The following C1orf21 variants were observed in gnomAD, a reference collection of about 807,000 sequenced individuals.
C1orf21 encodes the protein uncharacterized protein C1orf21.
In C1orf21, 3 loss-of-function variants were observed where a neutral mutation model predicts 18.7. The ratio of observed to expected loss-of-function variants is 0.16; its 90% CI spans 0.07 to 0.42. C1orf21 has a LOEUF of 0.42. Ranked by LOEUF, C1orf21 falls within the 10% of genes least tolerant of loss-of-function variation. C1orf21 has a pLI of 0.99. For missense variants in C1orf21, 104 were observed against 143.6 expected (o/e 0.72, Z 1.41); for synonymous variants, 41 against 46.4 (o/e 0.88, Z 0.47).
chr1:184,447,209 C>G (rs1000063385), intron 1 of C1orf21, among the ~76,000 whole-genome samples: 2 of 152,180 alleles, frequency 1.3e-5, no homozygotes, highest in Non-Finnish European at 2.9e-5. Context: ...TTGCTTTATA[C>G]TAGGCATTCT....
At chr1:184,469,700 T>C (rs1571373212) in intron 1 of C1orf21, among the ~76,000 whole-genome samples, 1 of 152,160 alleles carries the variant, frequency 6.6e-6, no homozygotes, top group African/African-American at 2.4e-5. Flanking sequence ...TTACGGAGGG[T>C]ATGCTAAGAG....
chr1:184,520,390 G>A (rs1488306971), intron 3 of C1orf21, among the ~76,000 whole-genome samples: 2 of 152,184 alleles, frequency 1.3e-5, no homozygotes, highest in Admixed American at 1.3e-4. Context: ...GGAATATGAG[G>A]TAGGGCTTGG....
chr1:184,584,026 T>A (rs925987269), intron 3 of C1orf21, among the ~76,000 whole-genome samples: 2 of 152,144 alleles, frequency 1.3e-5, no homozygotes, highest in Admixed American at 6.5e-5. Flanking sequence ...CTGCTGGGTC[T>A]GCTTTATCCG....
At chr1:184,433,526 T>C (rs1016178538) in intron 1 of C1orf21, among the ~76,000 whole-genome samples, 7 of 152,150 alleles carry the variant, frequency 4.6e-5, no homozygotes, top group Non-Finnish European at 1.0e-4. Flanking sequence ...ATGCAAAGCC[T>C]TCCATGACCA....
intron 3 of C1orf21, among the ~76,000 whole-genome samples, chr1:184,524,151 G>T (rs1658345969): frequency 6.6e-6 from 1 of 152,160 alleles, no homozygotes; most frequent in African/African-American, 2.4e-5. Context: ...AAGCTGGAGT[G>T]TAAGGTCCAC....
intron 3 of C1orf21, among the ~76,000 whole-genome samples, chr1:184,552,720 AGAAT>A (rs1300011106): frequency 6.6e-6 from 1 of 152,210 alleles, no homozygotes; most frequent in Non-Finnish European, 1.5e-5. Context: ...ATTTGCTCAA[AGAAT>A]GATTACATAA....
chr1:184,591,989 A>C lies in C1orf21; in HGVS notation c.266+1174A>C, dbSNP rs544815630. ...CCTACATGTGGTTTCATTCATATGA[A>C]GTCAAAAAACAGACAGAACTAAGGC... On this transcript the variant is annotated intron_variant, in intron 4 of 5. Transcript: ENST00000235307. Among the ~76,000 whole-genome samples, 176 of 152,270 alleles carry C rather than the reference A, an allele frequency of 1.2e-3. 1 individual carries two copies. Among genetic ancestry groups the C allele is most frequent in the African/African-American group, 4.2e-3 (174 of 41,554 alleles).
intron 2 of C1orf21, among the ~76,000 whole-genome samples, chr1:184,477,890 C>G (rs1657596241): frequency 6.6e-6 from 1 of 152,118 alleles, no homozygotes; most frequent in African/African-American, 2.4e-5. Flanking sequence ...AGATCTTATT[C>G]CCTCTAAGCC....
intron 1 of C1orf21, among the ~76,000 whole-genome samples, chr1:184,404,650 A>G (rs1656217151): frequency 6.6e-6 from 1 of 152,240 alleles, no homozygotes; most frequent in Non-Finnish European, 1.5e-5. Context: ...CATAAGTTTT[A>G]GAAGGAACAA....
intron 5 of C1orf21, among the ~76,000 whole-genome samples, chr1:184,608,018 C>A (rs1160421297): frequency 6.6e-6 from 1 of 151,844 alleles, no homozygotes; most frequent in African/African-American, 2.4e-5. Flanking sequence ...TTTGTTATAT[C>A]GATATAAGAT....
At chr1:184,590,964 A>C in intron 4 of C1orf21, 149 bp downstream of exon 4, 2 of 680,976 alleles carry the variant, frequency 2.9e-6, no homozygotes, top group Admixed American at 2.7e-5. Context: ...CTTGCCGCAC[A>C]CCAAGTACTA....
intron 1 of C1orf21, among the ~76,000 whole-genome samples, chr1:184,420,065 T>C (rs1656521268): frequency 6.6e-6 from 1 of 152,150 alleles, no homozygotes; most frequent in African/African-American, 2.4e-5. Flanking sequence ...TAGGATAGAA[T>C]GTGGAGTCAG....
intron 3 of C1orf21, among the ~76,000 whole-genome samples, chr1:184,581,429 CAA>C (rs35666369): frequency 6.9e-5 from 9 of 129,634 alleles, no homozygotes; most frequent in Admixed American, 7.7e-5. Flanking sequence ...GACCCTGTCT[CAA>C]AAAAAAAAAA....
At chr1:184,473,173 A>G (rs566789528) in intron 1 of C1orf21, among the ~76,000 whole-genome samples, 47 of 152,370 alleles carry the variant, frequency 3.1e-4, no homozygotes, top group African/African-American at 1.1e-3. Flanking sequence ...GATCATTTAG[A>G]TTAAAGAAAA....
intron 1 of C1orf21, among the ~76,000 whole-genome samples, chr1:184,450,878 G>A (rs192360617): frequency 1.3e-5 from 2 of 152,216 alleles, no homozygotes. Context: ...GTTTTTGTTT[G>A]TTTGTTTGTT....
At chr1:184,530,194 T>C (rs1167389281) in intron 3 of C1orf21, among the ~76,000 whole-genome samples, 1 of 152,146 alleles carries the variant, frequency 6.6e-6, no homozygotes, top group Admixed American at 6.6e-5. Flanking sequence ...TCGTAACTAG[T>C]CTTAGAGAGG....
At chr1:184,484,075 C>T (rs537371372) in intron 2 of C1orf21, among the ~76,000 whole-genome samples, 9 of 152,204 alleles carry the variant, frequency 5.9e-5, no homozygotes, top group South Asian at 4.2e-4. Flanking sequence ...AGGCACCCAC[C>T]ACCGCGCCCG....
chr1:184,619,376 A>G (rs1659880420), intron 5 of C1orf21, 142 bp from the exon 6 acceptor site: 1 of 807,608 alleles, frequency 1.2e-6, no homozygotes, highest in Admixed American at 2.5e-5. Flanking sequence ...TGACGTAGCT[A>G]CCCCTGTGCC....
At chr1:184,434,978 T>G (rs1656836513) in intron 1 of C1orf21, among the ~76,000 whole-genome samples, 1 of 152,210 alleles carries the variant, frequency 6.6e-6, no homozygotes, top group Non-Finnish European at 1.5e-5. Context: ...CTGCTTACGT[T>G]ATTACGGTAG....
Sources: allele counts gnomAD v4.1 joint callset (sites outside exome capture counted in the v4.1 genomes callset), GRCh38; gene constraint gnomAD v4.1.1; transcripts MANE v1.5; gene names NCBI Gene and HGNC (gene_info 2026-07-23, HGNC 2026-07-21).